ISCU: variants seen among roughly 807,000 people sequenced by gnomAD.
ISCU encodes iron-sulfur cluster assembly enzyme ISCU.
Under a neutral mutation model 18.4 loss-of-function variants are expected in ISCU, and 13 were observed. The observed-to-expected ratio is 0.71, with a 90% CI of 0.46 to 1.12. The LOEUF (loss-of-function observed/expected upper bound fraction) is 1.12, where lower values mean the gene tolerates loss of function less well. Among genes scored for constraint, ISCU ranks in the 50% most tolerant of loss-of-function variants. The pLI is 0.00. For synonymous variants in ISCU, 104 were observed against 87.5 expected, an observed-to-expected ratio of 1.19 and a Z score of -1.06; for missense variants, 229 against 208.7, an observed-to-expected ratio of 1.10 and a Z score of -0.60.
rs73404738 is a variant in ISCU, at chr12:108,568,669, C to T, written c.419-162C>T. On this transcript the variant is annotated intron_variant, in intron 4 of 4. Coordinates refer to ENST00000311893, the MANE Select transcript of ISCU (RefSeq NM_213595.4). ...CGCAGGAGTAACTCAGCTCAGGAAG[C>T]AGCTGCTGACGTGCCCAGCAACTCC... The T allele has an allele frequency of 4.8e-3, 7,113 of 1,473,450 alleles. 273 individuals are homozygous for T. In the African/African-American group the frequency reaches 0.088, roughly 18 times the overall value. 91.3% of individuals were successfully genotyped at this position (1,473,450 alleles called of 1,614,324 possible).
chr12:108,566,292 G>A (rs1369583761), intron 3 of ISCU, among the ~76,000 whole-genome samples: 2 of 152,282 alleles, frequency 1.3e-5, no homozygotes, highest in African/African-American at 2.4e-5. Flanking sequence ...TGCTGTGGCA[G>A]GAGGTAGCTC....
chr12:108,564,119 G>T, intron 1 of ISCU, 160 bp from the exon 2 acceptor site: 1 of 1,613,420 alleles, frequency 6.2e-7, no homozygotes, highest in Non-Finnish European at 8.5e-7. Context: ...GGTCACAAAT[G>T]GTTCTCATTG....
At chr12:108,567,616 A>G in intron 4 of ISCU, 1 of 1,499,662 alleles carries the variant, frequency 6.7e-7, no homozygotes, top group Non-Finnish European at 9.0e-7. Flanking sequence ...CATGGCTAAT[A>G]AGTGGAAGAG....
upstream of ISCU, chr12:108,562,588 G>A (rs1375573721): frequency 6.4e-6 from 8 of 1,250,118 alleles, no homozygotes; most frequent in East Asian, 3.1e-5. Flanking sequence ...GCCCCTCGGC[G>A]TCGCTCTGGA....
intron 4 of ISCU, chr12:108,568,296 CT>C (rs1565877054): frequency 9.0e-6 from 10 of 1,115,354 alleles, no homozygotes; most frequent in Non-Finnish European, 1.1e-5. Flanking sequence ...CATAGCCTCA[CT>C]TTGAATATTG....
chr12:108,564,270 T>C lies in ISCU; in HGVS notation c.115-9T>C. ...GTGAACATGATTTATCTTAACCCTC[T>C]CATTTTAGGTTGTTGATCATTATGA... On this transcript the variant is annotated splice_polypyrimidine_tract_variant and intron_variant, in intron 1 of 4. Transcript: ENST00000311893. The C allele has an allele frequency of 6.2e-7, 1 of 1,605,382 alleles. No individual in the cohort carries two copies. The highest frequency in any genetic ancestry group is 8.5e-7 in the Non-Finnish European group (1 of 1,172,062).
chr12:108,563,944 AT>A, intron 1 of ISCU: 1 of 732,022 alleles, frequency 1.4e-6, no homozygotes, highest in East Asian at 2.6e-5. Context: ...TTATTTGAAA[AT>A]AACAAAACTG....
chr12:108,567,422 C>T (rs2030952699), intron 4 of ISCU, 154 bp downstream of exon 4: 1 of 756,752 alleles, frequency 1.3e-6, no homozygotes, highest in Non-Finnish European at 2.3e-6. Flanking sequence ...GGGTTAGAGC[C>T]CCCATGGTCT....
chr12:108,564,071 C>T (rs759032839), intron 1 of ISCU: 2 of 1,606,158 alleles, frequency 1.2e-6, no homozygotes, highest in South Asian at 2.2e-5. Context: ...TATCTCAAAT[C>T]TGTGAAGTAT....
chr12:108,566,373 C>T (rs1030039369), intron 3 of ISCU, among the ~76,000 whole-genome samples: 1 of 152,256 alleles, frequency 6.6e-6, no homozygotes, highest in African/African-American at 2.4e-5. Context: ...CTCCCAGAAC[C>T]TGGCCCTTAG....
intron 4 of ISCU, 181 bp from the exon 5 acceptor site, chr12:108,568,650 A>G (rs1565877247): frequency 2.1e-6 from 3 of 1,456,680 alleles, no homozygotes; most frequent in Non-Finnish European, 2.7e-6. Flanking sequence ...CACCCGCAGG[A>G]GTAACTCAGC....
intron 4 of ISCU, chr12:108,568,301 A>T: frequency 1.8e-6 from 2 of 1,110,028 alleles, no homozygotes; most frequent in Middle Eastern, 7.9e-4. Flanking sequence ...CCTCACTTTG[A>T]ATATTGACTC....
At chr12:108,565,996 G>A (rs558330348) in intron 3 of ISCU, among the ~76,000 whole-genome samples, 1 of 152,380 alleles carries the variant, frequency 6.6e-6, no homozygotes, top group South Asian at 2.1e-4. Context: ...TCTCCCAAGT[G>A]TCTTTCCCTG....
rs376643383 is a variant in ISCU, at chr12:108,562,714, C to G, written c.92C>G (p.Pro31Arg). 6.7e-7 allele frequency: 1 copy of G among 1,489,538 alleles called. No homozygotes were observed. The allele number at this position is 1,489,538 out of a possible 1,614,324, so 92.3% of individuals were successfully genotyped here. The change falls in exon 1 of 5, where the codon CCG becomes CGG. Residue 31 changes from proline (P) to arginine (R), a missense_variant. Transcript: ENST00000311893. ...CTGCCCGCCCGGGAGCTGTCGGCCC[C>G]GGCCCGACTCTATCACAAGAAGGTA... The part of the protein sequence containing the change: ...PRLPARELSA[P>R]ARLYHKKVVD...
At chr12:108,568,411 A>G (rs371700084) in intron 4 of ISCU, 4 of 1,095,960 alleles carry the variant, frequency 3.6e-6, no homozygotes, top group East Asian at 6.9e-5. Flanking sequence ...GGGCATGTCA[A>G]CTTTTTTATC....
chr12:108,568,016 G>A, intron 4 of ISCU: 1 of 1,523,426 alleles, frequency 6.6e-7, no homozygotes, highest in Non-Finnish European at 8.8e-7. Flanking sequence ...CTCTTGCCAA[G>A]GTAATACTCA....
chr12:108,567,796 T>C, intron 4 of ISCU: 1 of 1,531,152 alleles, frequency 6.5e-7, no homozygotes, highest in Non-Finnish European at 8.7e-7. Flanking sequence ...AGCCCAGTTG[T>C]ACAATGTCCC....
intron 1 of ISCU, 118 bp from the exon 2 acceptor site, chr12:108,564,161 A>G (rs1243079824): frequency 6.2e-7 from 1 of 1,608,360 alleles, no homozygotes; most frequent in Non-Finnish European, 8.5e-7. Context: ...CTCAGGTGAA[A>G]TTTGGTATTT....
chr12:108,569,097 C>T lies in ISCU; in HGVS notation c.*181C>T. ...ATACACAGTTTCATTGTTCTGAATC[C>T]TGTGGTTTCTTTCAGCCCACTTTTA... On this transcript the variant is annotated 3_prime_UTR_variant, in exon 5 of 5. Coordinates refer to ENST00000311893, the MANE Select transcript of ISCU (RefSeq NM_213595.4). The T allele has an allele frequency of 3.2e-6, 2 of 629,418 alleles. No homozygotes were observed. The highest frequency in any genetic ancestry group is 4.2e-4 in the Middle Eastern group (1 of 2,358). 39.0% of individuals were successfully genotyped at this position (629,418 alleles called of 1,614,324 possible).
Sources: allele counts gnomAD v4.1 joint callset (sites outside exome capture counted in the v4.1 genomes callset), GRCh38; gene constraint gnomAD v4.1.1; transcripts MANE v1.5; gene names NCBI Gene and HGNC (gene_info 2026-07-23, HGNC 2026-07-21).